The following KDM2B variants were observed in gnomAD, a reference collection of about 807,000 sequenced individuals.
The protein encoded by KDM2B is lysine demethylase 2B, also known as lysine-specific demethylase 2B.
Under a neutral mutation model 150.0 loss-of-function variants are expected in KDM2B, and 26 were observed. The ratio of observed to expected loss-of-function variants is 0.17; its 90% CI spans 0.13 to 0.24. The LOEUF (loss-of-function observed/expected upper bound fraction) is 0.24. Ranked by LOEUF, KDM2B falls within the 10% of genes least tolerant of loss-of-function variation. The pLI, the probability that KDM2B is intolerant of heterozygous loss-of-function variation, is 1.00. For missense variants in KDM2B, 1,265 were observed against 1,816.9 expected (o/e 0.70, Z 5.52); for synonymous variants, 734 against 729.5 (o/e 1.01, Z -0.10).
chr12:121,479,486 G>A (rs1240190283), intron 12 of KDM2B, among the ~76,000 whole-genome samples: 4 of 151,294 alleles, frequency 2.6e-5, no homozygotes, highest in African/African-American at 9.8e-5. Context: ...AAAACAGATG[G>A]GGATTACACT....
chr12:121,425,305 TCAA>T (rs1872460362), downstream of KDM2B, among the ~76,000 whole-genome samples: 1 of 98,322 alleles, frequency 1.0e-5, no homozygotes, highest in African/African-American at 5.4e-5. Context: ...AAACTCCGTC[TCAA>T]AAAAAAAAAA....
chr12:121,415,241 A>G, the KDM2B span: 1 of 279,910 alleles, frequency 3.6e-6, no homozygotes, highest in Non-Finnish European at 8.1e-6. Context: ...ATGTTTTCCA[A>G]GTCATTTAAA....
At chr12:121,576,776 A>G (rs1891520658) in intron 2 of KDM2B, among the ~76,000 whole-genome samples, 1 of 152,224 alleles carries the variant, frequency 6.6e-6, no homozygotes, top group Non-Finnish European at 1.5e-5. Flanking sequence ...TCAGGTAACT[A>G]AAGTAATCCG....
chr12:121,496,627 C>T (rs1402125651), intron 11 of KDM2B, among the ~76,000 whole-genome samples: 2 of 151,766 alleles, frequency 1.3e-5, no homozygotes, highest in Non-Finnish European at 2.9e-5. Context: ...CCTCAGTAGC[C>T]GGGACTACAA....
downstream of KDM2B, among the ~76,000 whole-genome samples, chr12:121,426,036 T>TTTTGATGAGACTCTGGAAATCTTAACA (rs1555284192): frequency 1.3e-5 from 2 of 152,086 alleles, no homozygotes; most frequent in African/African-American, 2.4e-5. Flanking sequence ...CAAAGTAATC[T>TTTTGATGAGACTCTGGAAATCTTAACA]TTTGATGAGA....
At chr12:121,427,159 C>G (rs1326411774), downstream of KDM2B, among the ~76,000 whole-genome samples, 1 of 152,190 alleles carries the variant, frequency 6.6e-6, no homozygotes, top group Admixed American at 6.5e-5. Context: ...ATGGTCCTTT[C>G]ATTACTTCAT....
At chr12:121,423,222 G>A in the KDM2B span, among the ~76,000 whole-genome samples, 1 of 152,200 alleles carries the variant, frequency 6.6e-6, no homozygotes, top group South Asian at 2.1e-4. The surrounding 1 kb of genome is among the most constrained non-coding windows in gnomAD (Gnocchi z 4.3). Flanking sequence ...CTAGTGGAGA[G>A]AACCAAAGTG....
chr12:121,415,065 C>T, the KDM2B span, among the ~76,000 whole-genome samples: 1 of 150,836 alleles, frequency 6.6e-6, no homozygotes, highest in Non-Finnish European at 1.5e-5. Context: ...CATTACACTC[C>T]AGCCTGGGCA....
intron 4 of KDM2B, among the ~76,000 whole-genome samples, chr12:121,559,485 C>T (rs1168155778): frequency 4.6e-5 from 7 of 152,112 alleles, no homozygotes; most frequent in African/African-American, 1.2e-4. Context: ...CCAGCCCCCA[C>T]GGGGCAGCAG....
intron 4 of KDM2B, among the ~76,000 whole-genome samples, chr12:121,554,023 C>T (rs1486557107): frequency 7.0e-6 from 1 of 143,584 alleles, no homozygotes; most frequent in African/African-American, 2.6e-5. Context: ...AATATAGTGA[C>T]ACCCCAGCTC....
At position 121,575,401 on chromosome 12, in the gene KDM2B, G is replaced by A. The variant is rs1474260462; in HGVS notation, c.350+380C>T. Among the ~76,000 whole-genome samples, 1 of 152,220 alleles carries A rather than the reference G, an allele frequency of 6.6e-6. No individual in the cohort carries two copies. Among genetic ancestry groups the A allele is most frequent in the Non-Finnish European group, 1.5e-5 (1 of 68,040 alleles). ...TAAGAAACATGTATCTAGGTGCCCT[G>A]GGTCTGGGCTTAGAGGCTGGCTAGT... On this transcript the variant is annotated intron_variant, in intron 3 of 22. Coordinates refer to ENST00000377071, the MANE Select transcript of KDM2B (RefSeq NM_032590.5). This position sits in a 1 kb window ranked among gnomAD's most constrained non-coding sequence, Gnocchi z 4.4.
At chr12:121,475,182 C>CTGTGTGTGTGTGTGTGTGTG (rs60083867) in intron 12 of KDM2B, among the ~76,000 whole-genome samples, 1 of 139,664 alleles carries the variant, frequency 7.2e-6, no homozygotes, top group Admixed American at 7.2e-5. Flanking sequence ...ACACATGACT[C>CTGTGTGTGTGTGTGTGTGTG]TGTGTGTGTG....
chr12:121,534,929 C>A (rs1370105795), intron 6 of KDM2B, among the ~76,000 whole-genome samples: 1 of 152,142 alleles, frequency 6.6e-6, no homozygotes, highest in Non-Finnish European at 1.5e-5. Context: ...CTGCCCTCCC[C>A]CAGTTAGAGG....
intron 4 of KDM2B, chr12:121,574,254 C>G (rs1351789590): frequency 2.2e-5 from 7 of 313,046 alleles, no homozygotes; most frequent in East Asian, 1.4e-4. Context: ...AACCCACAAA[C>G]AAATGCAGAA....
At chr12:121,470,845 G>T (rs982601044) in intron 12 of KDM2B, among the ~76,000 whole-genome samples, 1 of 152,208 alleles carries the variant, frequency 6.6e-6, no homozygotes, top group Non-Finnish European at 1.5e-5. Context: ...AGGTGGGTAG[G>T]TATGGTTTGG....
At chr12:121,565,332 T>A (rs1380900507) in intron 4 of KDM2B, among the ~76,000 whole-genome samples, 2 of 151,702 alleles carry the variant, frequency 1.3e-5, no homozygotes, top group East Asian at 3.9e-4. Context: ...TTTTTTTTTT[T>A]TAAGACAGAG....
At chr12:121,464,175 A>G (rs1879501814) in intron 12 of KDM2B, among the ~76,000 whole-genome samples, 2 of 152,216 alleles carry the variant, frequency 1.3e-5, no homozygotes, top group Non-Finnish European at 2.9e-5. Context: ...CAAGACTGCA[A>G]TGAGTTATAA....
chr12:121,561,815 A>G (rs1890358404), intron 4 of KDM2B, among the ~76,000 whole-genome samples: 2 of 152,208 alleles, frequency 1.3e-5, no homozygotes, highest in African/African-American at 4.8e-5. Context: ...GAAATGGGGA[A>G]GCAGGACTGG....
intron 12 of KDM2B, among the ~76,000 whole-genome samples, chr12:121,491,664 C>T (rs1288186212): frequency 2.0e-5 from 3 of 151,754 alleles, no homozygotes; most frequent in African/African-American, 7.3e-5. Context: ...CGTGGTGGTA[C>T]GCGCCTGTAA....
Sources: gnomAD v4.1 joint callset for allele counts (sites outside exome capture counted in the v4.1 genomes callset) on GRCh38, gnomAD v4.1.1 for gene constraint, Gnocchi (gnomAD v3.1) non-coding constraint, MANE v1.5 for transcripts, NCBI Gene and HGNC (gene_info 2026-07-23, HGNC 2026-07-21) for gene names.